The following ITFG2 variants were observed in gnomAD, a reference collection of about 807,000 sequenced individuals.
ITFG2 encodes the protein integrin alpha FG-GAP repeat containing 2, also known as KICSTOR complex protein ITFG2.
In ITFG2, 36 loss-of-function variants were observed where a neutral mutation model predicts 54.4. The ratio of observed to expected loss-of-function variants is 0.66; its 90% CI spans 0.51 to 0.87. The LOEUF is 0.87. ITFG2 is among the 40% of genes least tolerant of loss of function. The pLI is 0.00. For synonymous variants in ITFG2, 211 were observed against 225.4 expected (o/e 0.94, Z 0.57); for missense variants, 524 against 576.7 (o/e 0.91, Z 0.94).
At chr12:2,855,489 A>G in intron 2 of ITFG2, 1 of 1,368,938 alleles carries the variant, frequency 7.3e-7, no homozygotes. Context: ...TTGTGCAGAC[A>G]GGGGTGCAGA....
chr12:2,833,171 C>G (rs956710277), upstream of ITFG2, among the ~76,000 whole-genome samples: 1 of 151,958 alleles, frequency 6.6e-6, no homozygotes, highest in African/African-American at 2.4e-5. Context: ...AAGCCCGGGA[C>G]TTTCTCATTA....
chr12:2,857,855 C>T (rs1007002099), intron 2 of ITFG2: 2 of 152,358 alleles, frequency 1.3e-5, no homozygotes, highest in Non-Finnish European at 2.9e-5. Context: ...TCGTCAATGC[C>T]AGTCTCCCTG....
intron 2 of ITFG2, among the ~76,000 whole-genome samples, chr12:2,841,799 A>G (rs1345229521): frequency 6.6e-6 from 1 of 151,622 alleles, no homozygotes; most frequent in African/African-American, 2.4e-5. Flanking sequence ...GCTCACTGCA[A>G]CCTCCGCCTC....
At chr12:2,849,093 TG>T in intron 2 of ITFG2, 1 of 853,756 alleles carries the variant, frequency 1.2e-6, no homozygotes, top group Non-Finnish European at 1.8e-6. Flanking sequence ...GGCTTGAGGC[TG>T]GGAGGATGGT....
At chr12:2,857,297 C>T (rs1419467009) in intron 2 of ITFG2, 1 of 510,906 alleles carries the variant, frequency 2.0e-6, no homozygotes, top group Admixed American at 3.2e-5. Context: ...AGGCTGGCTC[C>T]CAGGCCTCAG....
chr12:2,856,844 G>A, intron 2 of ITFG2: 1 of 672,368 alleles, frequency 1.5e-6, no homozygotes, highest in Non-Finnish European at 2.7e-6. Flanking sequence ...AGCAGAAAAT[G>A]TATGGGCCAG....
intron 2 of ITFG2, among the ~76,000 whole-genome samples, chr12:2,855,609 C>A (rs539865528): frequency 2.6e-4 from 40 of 152,328 alleles, no homozygotes; most frequent in African/African-American, 9.6e-4. Flanking sequence ...CCCTCTCCTT[C>A]CCGGCGGAAG....
At chr12:2,837,877 T>C (rs373070450) in intron 1 of ITFG2, among the ~76,000 whole-genome samples, 11 of 152,286 alleles carry the variant, frequency 7.2e-5, no homozygotes, top group African/African-American at 2.4e-4. Flanking sequence ...AGTTATGATA[T>C]AGCAGAGCAG....
chr12:2,820,038 G>A (rs373513457), intron 4 of ITFG2, 48 bp from the exon 5 acceptor site: 29 of 1,565,692 alleles, frequency 1.9e-5, no homozygotes, highest in Middle Eastern at 3.4e-4. Flanking sequence ...AGAGGAGCGG[G>A]GGCTGCTCGT....
intron 2 of ITFG2, chr12:2,849,499 C>T (rs2098063335): frequency 3.3e-6 from 5 of 1,536,006 alleles, no homozygotes; most frequent in East Asian, 4.9e-5. Context: ...GGGTTCAAAC[C>T]TCCCACCAGC....
At position 2,818,198 on chromosome 12, in the gene ITFG2, A is replaced by C. The variant is rs1471963904; in HGVS notation, c.327A>C (p.Thr109=). The C allele has an allele frequency of 1.3e-5, 21 of 1,614,030 alleles. No individual in the cohort carries two copies. Among genetic ancestry groups the C allele is most frequent in the Non-Finnish European group, 1.8e-5 (21 of 1,180,038 alleles). Reference sequence around the variant, plus strand: ...TGGATGCTTCTGGGCACCACGAGACACTAATCGGAGAGGAGCAGCGTCCAG... The same window carrying C: ...TGGATGCTTCTGGGCACCACGAGACCCTAATCGGAGAGGAGCAGCGTCCAG... The part of the protein sequence containing the change: ...KVLDASGHHE[T]LIGEEQRPVF... Residue 109 remains threonine (T), a synonymous_variant, in exon 4 of 12, where the codon ACA becomes ACC. Coordinates refer to ENST00000228799, the MANE Select transcript of ITFG2 (RefSeq NM_018463.4).
downstream of ITFG2, among the ~76,000 whole-genome samples, chr12:2,829,170 C>T (rs60345817): frequency 2.8e-3 from 424 of 152,180 alleles, 10 homozygotes; most frequent in African/African-American, 9.9e-3. Flanking sequence ...CCTCCTGGTT[C>T]GAAAACTCCA....
In ITFG2 at chr12:2,824,500, TG is replaced by T. The variant is rs973163613; in HGVS notation, c.*308del. ...GACATGACCCACTCCCCACTGTCAC[TG>T]TGTTGAAAACAGAGACTTGTTTGTG... On this transcript the variant is annotated 3_prime_UTR_variant, in exon 12 of 12. Coordinates refer to ENST00000228799, the MANE Select transcript of ITFG2 (RefSeq NM_018463.4). 1.0e-5 allele frequency: 4 copies of T among 400,674 alleles called. No homozygotes were observed. Among genetic ancestry groups the T allele is most frequent in the African/African-American group, 4.1e-5 (2 of 48,698 alleles). 24.8% of individuals were successfully genotyped at this position (400,674 alleles called of 1,614,324 possible). A position where few individuals can be genotyped will look rare whatever the true frequency, so the allele number is the denominator to read the frequency against.
intron 3 of ITFG2, chr12:2,858,926 G>T (rs749656919): frequency 1.7e-5 from 28 of 1,613,680 alleles, no homozygotes; most frequent in Non-Finnish European, 2.3e-5. Flanking sequence ...ATTCAAGGGG[G>T]GGAGCACTTT....
At chr12:2,834,690 G>A (rs1042150654), upstream of ITFG2, 2 of 1,613,532 alleles carry the variant, frequency 1.2e-6, no homozygotes, top group Non-Finnish European at 8.5e-7. Flanking sequence ...GCGGGAGCAG[G>A]TCGGCCGAGT....
At chr12:2,855,521 TCTC>T (rs558605146) in intron 2 of ITFG2, 167 of 1,176,234 alleles carry the variant, frequency 1.4e-4, no homozygotes, top group South Asian at 1.4e-3. Flanking sequence ...GGCACTCCGC[TCTC>T]CTTCCCAGGC....
At chr12:2,832,055 C>T (rs2153926281), upstream of ITFG2, among the ~76,000 whole-genome samples, 1 of 152,196 alleles carries the variant, frequency 6.6e-6, no homozygotes, top group Middle Eastern at 3.4e-3. Flanking sequence ...CCTTGCTACT[C>T]CAAAATGTGG....
upstream of ITFG2, among the ~76,000 whole-genome samples, chr12:2,833,427 C>T (rs908311013): frequency 2.6e-5 from 4 of 152,114 alleles, no homozygotes; most frequent in African/African-American, 9.7e-5. Context: ...ATTGCCAGAC[C>T]TCTGGGCTGT....
chr12:2,828,785 T>C (rs1267043812), downstream of ITFG2, among the ~76,000 whole-genome samples: 3 of 152,122 alleles, frequency 2.0e-5, no homozygotes, highest in Admixed American at 1.3e-4. Context: ...GAGGTTGTGG[T>C]GAGCCAAGAT....
Sources: gnomAD v4.1 joint callset for allele counts (sites outside exome capture counted in the v4.1 genomes callset) on GRCh38, gnomAD v4.1.1 for gene constraint, MANE v1.5 for transcripts, NCBI Gene and HGNC (gene_info 2026-07-23, HGNC 2026-07-21) for gene names.